Variants in LRMDA observed in about 807,000 individuals in gnomAD.
The protein encoded by LRMDA is leucine-rich melanocyte differentiation-associated protein.
In LRMDA, 18 loss-of-function variants were observed where a neutral mutation model predicts 29.8. That is an observed-to-expected ratio of 0.60 (90% confidence interval 0.42 to 0.90). The LOEUF is 0.90. Among genes scored for constraint, LRMDA ranks in the 40% least tolerant of loss-of-function variants. The pLI is 0.00. For synonymous variants in LRMDA, 125 were observed against 109.4 expected (o/e 1.14, Z -0.89); for missense variants, 273 against 273.9 (o/e 1.00, Z 0.02).
At chr10:75,574,150 T>C (rs1268432963) in intron 2 of LRMDA, among the ~76,000 whole-genome samples, 2 of 152,208 alleles carry the variant, frequency 1.3e-5, no homozygotes, top group Non-Finnish European at 2.9e-5. Context: ...CAGCATGTCC[T>C]ATCCCTCTGA....
intron 6 of LRMDA, among the ~76,000 whole-genome samples, chr10:76,522,717 C>T (rs544776512): frequency 6.6e-6 from 1 of 152,254 alleles, no homozygotes; most frequent in East Asian, 1.9e-4. Context: ...AGCTGCATTT[C>T]TAGGATGATC....
intron 5 of LRMDA, among the ~76,000 whole-genome samples, chr10:76,158,128 A>G (rs1432316327): frequency 6.6e-6 from 1 of 152,150 alleles, no homozygotes; most frequent in Admixed American, 6.6e-5. Context: ...TGATGGCCTC[A>G]GAGCCATCAT....
intron 6 of LRMDA, among the ~76,000 whole-genome samples, chr10:76,483,478 G>A (rs1842752301): frequency 6.6e-6 from 1 of 151,854 alleles, no homozygotes; most frequent in Non-Finnish European, 1.5e-5. Flanking sequence ...AGCAGGATGT[G>A]TTTAGCTAGG....
At chr10:76,401,044 G>A (rs113859513) in intron 6 of LRMDA, among the ~76,000 whole-genome samples, 22 of 152,212 alleles carry the variant, frequency 1.4e-4, no homozygotes, top group African/African-American at 3.4e-4. Context: ...TTTGGGTTTC[G>A]GAGCATTTTG....
chr10:76,180,418 T>G (rs1347228696), intron 5 of LRMDA, among the ~76,000 whole-genome samples: 1 of 151,432 alleles, frequency 6.6e-6, no homozygotes, highest in East Asian at 2.0e-4. Context: ...TGGCTGGGAT[T>G]ACAGGTGCCC....
chr10:75,561,882 C>T (rs1364431062), intron 2 of LRMDA, among the ~76,000 whole-genome samples: 12 of 152,048 alleles, frequency 7.9e-5, no homozygotes, highest in South Asian at 4.2e-4. Flanking sequence ...TTGATTGCAC[C>T]GTGGCCTGAG....
intron 2 of LRMDA, among the ~76,000 whole-genome samples, chr10:75,831,222 T>C (rs1358431556): frequency 2.0e-5 from 3 of 152,150 alleles, no homozygotes; most frequent in Non-Finnish European, 4.4e-5. Context: ...ATTTTTTTCA[T>C]ATTTTTAGTA....
At chr10:76,170,030 A>G (rs146944807) in intron 5 of LRMDA, among the ~76,000 whole-genome samples, 1 of 152,234 alleles carries the variant, frequency 6.6e-6, no homozygotes, top group African/African-American at 2.4e-5. Flanking sequence ...AGGAAGCTGA[A>G]AGGTAAAATA....
At chr10:76,187,886 G>A (rs546232237) in intron 5 of LRMDA, among the ~76,000 whole-genome samples, 1 of 152,172 alleles carries the variant, frequency 6.6e-6, no homozygotes, top group African/African-American at 2.4e-5. Context: ...TCATCCTGGG[G>A]ATTGCAGTTT....
intron 2 of LRMDA, among the ~76,000 whole-genome samples, chr10:75,751,723 C>T (rs1401480402): frequency 6.6e-6 from 1 of 151,800 alleles, no homozygotes. Context: ...CTCATTTACT[C>T]TTAGGACATC....
In LRMDA at chr10:76,252,058, A is replaced by G. The variant is rs187063678; in HGVS notation, c.517-72343A>G. ...TTCCCATAAGTTATGGCAGAAGATT[A>G]CAAAGCTACTGATATAACATATTAG... On this transcript the variant is annotated intron_variant, in intron 5 of 6. Coordinates refer to ENST00000611255, the MANE Select transcript of LRMDA (RefSeq NM_001305581.2). 1.3e-3 allele frequency among the ~76,000 whole-genome samples: 202 copies of G among 152,336 alleles called. 1 individual carries two copies. In the Middle Eastern group the frequency reaches 0.02, roughly 15 times the overall value.
At chr10:75,692,814 C>T (rs906013815) in intron 2 of LRMDA, among the ~76,000 whole-genome samples, 1 of 152,026 alleles carries the variant, frequency 6.6e-6, no homozygotes, top group Non-Finnish European at 1.5e-5. Flanking sequence ...AGGAGTACCA[C>T]CAGAATGCCA....
chr10:76,541,214 G>A (rs1344146079), intron 6 of LRMDA, among the ~76,000 whole-genome samples: 1 of 152,136 alleles, frequency 6.6e-6, no homozygotes, highest in Non-Finnish European at 1.5e-5. Context: ...AATAGAGAAG[G>A]GTGAAGCCGG....
intron 5 of LRMDA, among the ~76,000 whole-genome samples, chr10:76,227,735 C>G (rs1048348946): frequency 3.3e-5 from 5 of 152,130 alleles, no homozygotes; most frequent in Non-Finnish European, 7.3e-5. Flanking sequence ...ATTACTGGCT[C>G]TCTGAGAAAG....
At chr10:75,600,450 C>T (rs187107277) in intron 2 of LRMDA, among the ~76,000 whole-genome samples, 1 of 152,330 alleles carries the variant, frequency 6.6e-6, no homozygotes, top group African/African-American at 2.4e-5. Context: ...CATCATCCTC[C>T]TCTTGCCACT....
intron 5 of LRMDA, among the ~76,000 whole-genome samples, chr10:76,221,722 C>T (rs994473445): frequency 3.3e-5 from 5 of 152,090 alleles, no homozygotes; most frequent in Admixed American, 6.6e-5. Context: ...CAATGCCATC[C>T]CCATCAAGCT....
chr10:75,729,940 T>G (rs1451963394), intron 2 of LRMDA, among the ~76,000 whole-genome samples: 1 of 152,130 alleles, frequency 6.6e-6, no homozygotes, highest in Non-Finnish European at 1.5e-5. Context: ...TGGGACTACA[T>G]GTCCACACCA....
At chr10:75,760,114 G>C (rs1289372223) in intron 2 of LRMDA, among the ~76,000 whole-genome samples, 2 of 152,228 alleles carry the variant, frequency 1.3e-5, no homozygotes, top group African/African-American at 4.8e-5. Flanking sequence ...ATGGGAAAGT[G>C]CAGTGCATGG....
intron 6 of LRMDA, among the ~76,000 whole-genome samples, chr10:76,520,351 C>G (rs947366645): frequency 6.6e-6 from 1 of 151,102 alleles, no homozygotes; most frequent in African/African-American, 2.4e-5. Context: ...CCTGATTATT[C>G]TTTTTTCTTT....
Sources: allele counts gnomAD v4.1 joint callset (sites outside exome capture counted in the v4.1 genomes callset), GRCh38; gene constraint gnomAD v4.1.1; transcripts MANE v1.5; gene names NCBI Gene and HGNC (gene_info 2026-07-23, HGNC 2026-07-21).